The following PLEKHG5 variants were observed in gnomAD, a reference collection of about 807,000 sequenced individuals.
The protein encoded by PLEKHG5 is pleckstrin homology domain-containing family G member 5.
In PLEKHG5, 52 loss-of-function variants were observed where a neutral mutation model predicts 103.8. The observed-to-expected ratio is 0.50, with a 90% confidence interval of 0.40 to 0.63. The LOEUF (loss-of-function observed/expected upper bound fraction) is 0.63. PLEKHG5 is among the 30% of genes least tolerant of loss of function. PLEKHG5 has a pLI of 0.00. For synonymous variants in PLEKHG5, 592 were observed against 575.5 expected, an observed-to-expected ratio of 1.03 and a Z score of -0.41; for missense variants, 1,205 against 1,347.6, an observed-to-expected ratio of 0.89 and a Z score of 1.66.
At chr1:6,516,276 G>A (rs1431270758) in intron 1 of PLEKHG5, among the ~76,000 whole-genome samples, 1 of 152,070 alleles carries the variant, frequency 6.6e-6, no homozygotes, top group Non-Finnish European at 1.5e-5. Context: ...AAACAAATAG[G>A]TGAAATATTG....
In PLEKHG5 at chr1:6,490,625, C is replaced by T. The variant is rs1645133517; in HGVS notation, c.-88+1012G>A. The T allele has an allele frequency of 1.0e-6, 1 of 984,968 alleles. No individual in the cohort carries two copies. Among genetic ancestry groups the T allele is most frequent in the Non-Finnish European group, 1.2e-6 (1 of 829,664 alleles). 61.0% of individuals were successfully genotyped at this position (984,968 alleles called of 1,614,324 possible). A position where few individuals can be genotyped will look rare whatever the true frequency, so the allele number is the denominator to read the frequency against. ...AATTACGGTAGCCGCGCGGGCGCTA[C>T]CACCTGGACCGGCCGGGATGTACCA... On this transcript the variant is annotated intron_variant, in intron 1 of 20. Coordinates refer to ENST00000377728, the MANE Select transcript of PLEKHG5 (RefSeq NM_020631.6). This position sits in a 1 kb window ranked among gnomAD's most constrained non-coding sequence, Gnocchi z 8.0.
Position 6,491,008 on chromosome 1 carries a change from G to T in PLEKHG5, c.-88+629C>A, listed in dbSNP as rs550016581. Among the ~76,000 whole-genome samples, 1 of 152,070 alleles carries T rather than the reference G, an allele frequency of 6.6e-6. No individual in the cohort carries two copies. The highest frequency in any genetic ancestry group is 1.5e-5 in the Non-Finnish European group (1 of 68,012). On this transcript the variant is annotated intron_variant, in intron 1 of 20. Coordinates refer to ENST00000377728, the MANE Select transcript of PLEKHG5 (RefSeq NM_020631.6). The surrounding 1 kb of genome is among the most constrained non-coding windows in gnomAD (Gnocchi z 4.1). ...CCCGGAATCGCCCTGAGCCAGGTTC[G>T]CTTCCGCTCTATTGTAAAAAGCTGG... is the stretch of plus-strand genomic sequence containing the variant.
intron 1 of PLEKHG5, among the ~76,000 whole-genome samples, chr1:6,510,122 C>A (rs1291820564): frequency 1.3e-5 from 2 of 152,194 alleles, no homozygotes; most frequent in Admixed American, 1.3e-4. Context: ...TCATGAGAAG[C>A]ACCCAGGCAG....
chr1:6,472,725 C>A (rs1644631440), intron 9 of PLEKHG5, 103 bp from the exon 10 acceptor site: 1 of 864,062 alleles, frequency 1.2e-6, no homozygotes, highest in African/African-American at 1.7e-5. Flanking sequence ...CCAATGGGGA[C>A]ATGGAGGTCC....
chr1:6,519,181 G>T (rs947514791), intron 1 of PLEKHG5, among the ~76,000 whole-genome samples: 1 of 152,236 alleles, frequency 6.6e-6, no homozygotes, highest in Non-Finnish European at 1.5e-5. Flanking sequence ...CTTCTGTCAG[G>T]AGTTAGATGG....
chr1:6,480,212 G>A (rs1437550736), intron 1 of PLEKHG5, among the ~76,000 whole-genome samples: 1 of 151,956 alleles, frequency 6.6e-6, no homozygotes, highest in Admixed American at 6.6e-5. Context: ...TGGCCAACAT[G>A]ACAAAACCCC....
At chr1:6,496,155 C>A (rs1331390082), upstream of PLEKHG5, among the ~76,000 whole-genome samples, 1 of 152,218 alleles carries the variant, frequency 6.6e-6, no homozygotes, top group African/African-American at 2.4e-5. Flanking sequence ...CGTGGGAGAC[C>A]ACTTCCCCTG....
Position 6,471,770 on chromosome 1 carries a change from C to T in PLEKHG5, c.1119G>A (p.Gly373=). Residue 373 remains glycine, a synonymous_variant, in exon 11 of 21, where the codon GGG becomes GGA. Transcript: ENST00000377728. ...LCCLLNLQES[G]LLCEVEAERL... is the part of the protein sequence containing the mutation. ...AATCCCAGCGCACCTCACACAGCAGCCCTGACTCTTGCAGGTTCAGGAGGC... is the reference window on the plus strand; with the variant it reads ...AATCCCAGCGCACCTCACACAGCAGTCCTGACTCTTGCAGGTTCAGGAGGC... The T allele has an allele frequency of 1.2e-6, 2 of 1,610,562 alleles. No homozygotes were observed. The highest frequency in any genetic ancestry group is 1.7e-6 in the Non-Finnish European group (2 of 1,178,656).
upstream of PLEKHG5, among the ~76,000 whole-genome samples, chr1:6,495,329 C>A (rs59749954): frequency 2.0e-5 from 3 of 152,318 alleles, no homozygotes; most frequent in South Asian, 2.1e-4. Flanking sequence ...GCCCCCTCCC[C>A]GCCCCGCCCC....
At position 6,505,075 on chromosome 1, in the gene PLEKHG5, C is replaced by T. The variant is rs1324121112; in HGVS notation, c.-164-8506G>A. ...CCTGGGGGAGGCCAGCTCCTGGGCC[C>T]GAGGATGAGGCTAATGGAGAAGAGA... On this transcript the variant is annotated intron_variant, in intron 1 of 21. Coordinates refer to the PLEKHG5 transcript ENST00000377740. This position sits in a 1 kb window ranked among gnomAD's most constrained non-coding sequence, Gnocchi z 4.2. Among the ~76,000 whole-genome samples, 2 of 152,134 alleles carry T rather than the reference C, an allele frequency of 1.3e-5. No individual in the cohort carries two copies. Among genetic ancestry groups the T allele is most frequent in the Admixed American group, 6.5e-5 (1 of 15,276 alleles).
At position 6,501,715 on chromosome 1, in the gene PLEKHG5, C is replaced by G. The variant is rs1018669292; in HGVS notation, c.-164-5146G>C. On this transcript the variant is annotated intron_variant, in intron 1 of 21. Coordinates refer to the PLEKHG5 transcript ENST00000377740. The surrounding 1 kb of genome is among the most constrained non-coding windows in gnomAD (Gnocchi z 4.3). ...ACGAGGCTGTGAGTGTGTAAGCCTC[C>G]AAGCCTGTGCTCCTAACCGCCAGGC... 1.3e-5 allele frequency among the ~76,000 whole-genome samples: 2 copies of G among 152,174 alleles called. No individual in the cohort carries two copies. The highest frequency in any genetic ancestry group is 4.8e-5 in the African/African-American group (2 of 41,422).
chr1:6,501,131 G>A (rs1232278441), upstream of PLEKHG5, among the ~76,000 whole-genome samples: 2 of 152,176 alleles, frequency 1.3e-5, no homozygotes, highest in African/African-American at 4.8e-5. This position sits in a 1 kb window ranked among gnomAD's most constrained non-coding sequence, Gnocchi z 4.3. Context: ...CTGGACCCAT[G>A]TTCTGGACGG....
intron 1 of PLEKHG5, chr1:6,506,039 G>A (rs1228281851): frequency 3.9e-5 from 6 of 152,594 alleles, no homozygotes; most frequent in Admixed American, 1.3e-4. Context: ...CGAGGTCCTC[G>A]ATGATGTCCA....
At position 6,519,036 on chromosome 1, in the gene PLEKHG5, G is replaced by T. The variant is rs1472610083; in HGVS notation, c.-165+409C>A. ...TTTTTGTATTTTTAGTAGAGACGGG[G>T]TTTCACCGTGTTAACCAGGATGGTC... On this transcript the variant is annotated intron_variant, in intron 1 of 21. Transcript: ENST00000377740. Among the ~76,000 whole-genome samples, 4 of 152,288 alleles carry T rather than the reference G, an allele frequency of 2.6e-5. No homozygotes were observed. In the East Asian group the frequency reaches 7.7e-4, roughly 29 times the overall value.
intron 1 of PLEKHG5, chr1:6,485,370 G>C: frequency 7.1e-7 from 1 of 1,418,146 alleles, no homozygotes; most frequent in Non-Finnish European, 9.2e-7. Flanking sequence ...GGAGGGCTCC[G>C]AGTCCCGGAG....
chr1:6,516,539 C>G (rs1464430283), intron 1 of PLEKHG5, among the ~76,000 whole-genome samples: 1 of 151,798 alleles, frequency 6.6e-6, no homozygotes, highest in Non-Finnish European at 1.5e-5. Context: ...CATCTGTAAT[C>G]CCAGCTACTG....
At chr1:6,485,240 T>C in intron 1 of PLEKHG5, 1 of 931,004 alleles carries the variant, frequency 1.1e-6, no homozygotes, top group South Asian at 3.6e-5. Flanking sequence ...GGGCACCCCC[T>C]CCCTGGCCTC....
chr1:6,467,997 C>T lies in PLEKHG5; in HGVS notation c.2839G>A (p.Gly947Arg), dbSNP rs555305602. Residue 947 changes from glycine to arginine, a missense_variant, in exon 20 of 21, where the codon GGG becomes AGG. By Grantham distance (125) the Gly-to-Arg change is moderately radical (BLOSUM62 -2). Transcript: ENST00000377728. Reference protein sequence around the residue: ...SGPGLVGCLAGEPAGSHRKRC... With the variant: ...SGPGLVGCLAREPAGSHRKRC... ...TTCCTGTGGGAGCCTGCAGGTTCCC[C>T]GGCCAGGCAGCCGACTAGCCCAGGA... 15 of 1,553,332 alleles carry T rather than the reference C, an allele frequency of 9.7e-6. No individual in the cohort carries two copies. Among genetic ancestry groups the T allele is most frequent in the South Asian group, 8.2e-5 (7 of 85,256 alleles).
chr1:6,501,585 C>T (rs1214467111), upstream of PLEKHG5, among the ~76,000 whole-genome samples: 1 of 152,194 alleles, frequency 6.6e-6, no homozygotes, highest in East Asian at 1.9e-4. The surrounding 1 kb of genome is among the most constrained non-coding windows in gnomAD (Gnocchi z 4.3). Context: ...GTTTCACCAT[C>T]TAACTCTGTG....
Sources: gnomAD v4.1 joint callset for allele counts (sites outside exome capture counted in the v4.1 genomes callset) on GRCh38, gnomAD v4.1.1 for gene constraint, Gnocchi (gnomAD v3.1) non-coding constraint, MANE v1.5 for transcripts, NCBI Gene and HGNC (gene_info 2026-07-23, HGNC 2026-07-21) for gene names.